Variants in PPP2R3A observed in about 807,000 individuals in gnomAD.
PPP2R3A encodes the protein protein phosphatase 2 regulatory subunit B''alpha.
A neutral mutation model predicts 106.9 loss-of-function variants in PPP2R3A; 80 were observed. That is an observed-to-expected ratio of 0.75 (90% CI 0.62 to 0.90). The LOEUF (loss-of-function observed/expected upper bound fraction) is 0.90. PPP2R3A is among the 40% of genes least tolerant of loss of function. The pLI is 0.00. For synonymous variants in PPP2R3A, 483 were observed against 468.3 expected (o/e 1.03, Z -0.41); for missense variants, 1,386 against 1,350.4 (o/e 1.03, Z -0.41).
At chr3:136,027,887 C>A (rs779080510) in intron 3 of PPP2R3A, among the ~76,000 whole-genome samples, 1 of 152,152 alleles carries the variant, frequency 6.6e-6, no homozygotes, top group Non-Finnish European at 1.5e-5. Context: ...AGTAGGAGAC[C>A]AAGTGAGAAT....
At chr3:136,060,269 A>T (rs190979871) in intron 5 of PPP2R3A, among the ~76,000 whole-genome samples, 1 of 152,242 alleles carries the variant, frequency 6.6e-6, no homozygotes, top group Non-Finnish European at 1.5e-5. Flanking sequence ...CAGGCACAGA[A>T]AGACAAATAC....
intron 1 of PPP2R3A, among the ~76,000 whole-genome samples, chr3:135,997,856 C>T (rs1233118527): frequency 6.6e-6 from 1 of 152,164 alleles, no homozygotes; most frequent in Non-Finnish European, 1.5e-5. Context: ...TCACTTCTTG[C>T]ATGGATTATT....
rs879787047 is a variant in PPP2R3A at position 136,055,691 on chromosome 3, AC to A, written c.2469+6333del. 8 of 898,412 alleles carry A rather than the reference AC, an allele frequency of 8.9e-6. No homozygotes were observed. The Admixed American group carries it at 1.7e-4, about 19-fold the overall frequency. The allele number at this position is 898,412 out of a possible 1,614,324, so 55.7% of individuals were successfully genotyped here. A position where few individuals can be genotyped will look rare whatever the true frequency, so the allele number is the denominator to read the frequency against. Reference sequence around the variant, plus strand: ...AAGGAGCTTACTAACTGTGGTTTGCACCCTAAGACTCTGGAGCAACTTAGAG... The same window carrying A: ...AAGGAGCTTACTAACTGTGGTTTGCACCTAAGACTCTGGAGCAACTTAGAG... On this transcript the variant is annotated intron_variant, in intron 5 of 13. Transcript: ENST00000264977.
chr3:136,070,946 G>A (rs1045227757), intron 6 of PPP2R3A, among the ~76,000 whole-genome samples: 6 of 152,208 alleles, frequency 3.9e-5, no homozygotes, highest in Non-Finnish European at 7.3e-5. Context: ...ATGATAATGA[G>A]AAAATAGCTT....
chr3:136,102,217 C>T (rs375230140), intron 11 of PPP2R3A, 35 bp downstream of exon 11: 77 of 1,605,372 alleles, frequency 4.8e-5, no homozygotes, highest in Non-Finnish European at 6.2e-5. Flanking sequence ...GCACTGTTCA[C>T]CTATGTATCA....
intron 2 of PPP2R3A, among the ~76,000 whole-genome samples, chr3:136,017,314 G>A (rs1399181444): frequency 1.3e-5 from 2 of 152,166 alleles, no homozygotes; most frequent in Non-Finnish European, 2.9e-5. Flanking sequence ...TTTTTGCAAT[G>A]AATTTCTCAG....
intron 13 of PPP2R3A, among the ~76,000 whole-genome samples, chr3:136,126,507 C>G (rs1050675064): frequency 6.6e-6 from 1 of 152,228 alleles, no homozygotes; most frequent in Non-Finnish European, 1.5e-5. Flanking sequence ...CTCAACAATG[C>G]CTACTGCAAC....
At chr3:136,080,013 T>C (rs1334459844) in intron 7 of PPP2R3A, among the ~76,000 whole-genome samples, 2 of 152,238 alleles carry the variant, frequency 1.3e-5, no homozygotes, top group Admixed American at 6.5e-5. Context: ...CTCTACCATT[T>C]TACCCCCTTT....
intron 13 of PPP2R3A, among the ~76,000 whole-genome samples, chr3:136,133,065 T>A (rs959028932): frequency 6.6e-6 from 1 of 152,146 alleles, no homozygotes; most frequent in African/African-American, 2.4e-5. Flanking sequence ...TAGAACTAAC[T>A]GTAAGGGCTA....
At chr3:136,003,569 T>C (rs1282794005) in intron 2 of PPP2R3A, 76 bp downstream of exon 2, 4 of 1,387,928 alleles carry the variant, frequency 2.9e-6, no homozygotes, top group East Asian at 4.8e-5. Context: ...AAAGAAAAAC[T>C]TTTTTGTTAG....
chr3:135,966,120 C>T (rs1356397863), intron 1 of PPP2R3A, among the ~76,000 whole-genome samples: 1 of 152,012 alleles, frequency 6.6e-6, no homozygotes, highest in Admixed American at 6.5e-5. Context: ...AAATTGCCTG[C>T]CCCAGGGGCG....
chr3:136,013,886 T>G (rs1041249753), intron 2 of PPP2R3A, among the ~76,000 whole-genome samples: 15 of 152,208 alleles, frequency 9.9e-5, no homozygotes, highest in African/African-American at 3.6e-4. Context: ...GCATTTGCTT[T>G]TGGGTCCTTG....
chr3:136,144,205 C>T (rs1213453861), intron 13 of PPP2R3A, among the ~76,000 whole-genome samples: 1 of 152,200 alleles, frequency 6.6e-6, no homozygotes, highest in Non-Finnish European at 1.5e-5. Context: ...GACATCTTCC[C>T]AGGATGAGTA....
intron 13 of PPP2R3A, among the ~76,000 whole-genome samples, chr3:136,120,863 C>G (rs113401377): frequency 0.037 from 5,640 of 152,050 alleles, 381 homozygotes; most frequent in African/African-American, 0.13. Flanking sequence ...AAATGCAAAT[C>G]AAAACCACAA....
intron 10 of PPP2R3A, among the ~76,000 whole-genome samples, chr3:136,092,900 C>T (rs986663441): frequency 6.6e-6 from 1 of 152,156 alleles, no homozygotes; most frequent in Non-Finnish European, 1.5e-5. Context: ...ACTGCAATTA[C>T]TTTTGTACCA....
chr3:135,999,031 C>A (rs1181756304), intron 1 of PPP2R3A, among the ~76,000 whole-genome samples: 1 of 152,176 alleles, frequency 6.6e-6, no homozygotes, highest in African/African-American at 2.4e-5. Flanking sequence ...CCAATAGCTG[C>A]TGTGCTTGCT....
chr3:136,084,581 C>T (rs986819689), intron 8 of PPP2R3A, among the ~76,000 whole-genome samples: 2 of 152,208 alleles, frequency 1.3e-5, no homozygotes, highest in South Asian at 4.1e-4. Flanking sequence ...CACAATGCTC[C>T]AGGCCCCAGA....
intron 5 of PPP2R3A, among the ~76,000 whole-genome samples, chr3:136,060,245 TAAGTG>T (rs1205579635): frequency 6.6e-6 from 1 of 152,246 alleles, no homozygotes; most frequent in African/African-American, 2.4e-5. Flanking sequence ...GACATTATGT[TAAGTG>T]AAGGAAGCCA....
chr3:136,101,466 CCAG>C (rs1937357831), intron 10 of PPP2R3A, among the ~76,000 whole-genome samples: 1 of 152,112 alleles, frequency 6.6e-6, no homozygotes, highest in South Asian at 2.1e-4. Context: ...GTTCTTTCAC[CCAG>C]GCTGGAGTGC....
Sources: gnomAD v4.1 joint callset for allele counts (sites outside exome capture counted in the v4.1 genomes callset) on GRCh38, gnomAD v4.1.1 for gene constraint, MANE v1.5 for transcripts, NCBI Gene and HGNC (gene_info 2026-07-23, HGNC 2026-07-21) for gene names.